The following CIT variants were observed in gnomAD, a reference collection of about 807,000 sequenced individuals.
The protein encoded by CIT is citron Rho-interacting kinase.
In CIT, 79 loss-of-function variants were observed where a neutral mutation model predicts 272.7. The observed-to-expected ratio is 0.29, with a 90% confidence interval of 0.24 to 0.35. CIT has a LOEUF of 0.35. CIT is among the 10% of genes least tolerant of loss of function. CIT has a pLI of 1.00. For missense variants in CIT, 1,909 were observed against 2,618.3 expected (o/e 0.73, Z 5.91); for synonymous variants, 948 against 995.6 (o/e 0.95, Z 0.90).
At chr12:119,836,736 G>C (rs1460857843) in intron 5 of CIT, among the ~76,000 whole-genome samples, 1 of 152,140 alleles carries the variant, frequency 6.6e-6, no homozygotes, top group Non-Finnish European at 1.5e-5. Flanking sequence ...TTAAGGCTGA[G>C]AAAGTCATAC....
At chr12:119,783,760 A>T in intron 12 of CIT, 148 bp downstream of exon 12, 2 of 1,022,316 alleles carry the variant, frequency 2.0e-6, no homozygotes, top group South Asian at 4.1e-5. Flanking sequence ...ACTACTCTGC[A>T]AAACACAGAT....
chr12:119,717,838 C>CTTCTTTTTTTTTTTTTTT (rs1957600385), intron 32 of CIT, among the ~76,000 whole-genome samples: 4 of 81,352 alleles, frequency 4.9e-5, no homozygotes, highest in African/African-American at 4.9e-5. Context: ...TGACTTCTTT[C>CTTCTTTTTTTTTTTTTTT]TTTTTTTTTT....
chr12:119,804,235 C>G lies in CIT; in HGVS notation c.1112-846G>C. 1.0e-6 allele frequency: 1 copy of G among 985,472 alleles called. No homozygotes were observed. Among genetic ancestry groups the G allele is most frequent in the Non-Finnish European group, 1.2e-6 (1 of 829,966 alleles). The allele number at this position is 985,472 out of a possible 1,614,324, so 61.0% of individuals were successfully genotyped here. On this transcript the variant is annotated intron_variant, in intron 9 of 47. Transcript: ENST00000392521. The surrounding 1 kb of genome is among the most constrained non-coding windows in gnomAD (Gnocchi z 5.3). The stretch of plus-strand genomic sequence containing the variant: ...CTTCCTCCGACCTACTAAGCGCTCT[C>G]GGTCTGGGAGGTGGACACTCGTCCA...
chr12:119,790,935 C>T (rs1965254712), intron 10 of CIT, among the ~76,000 whole-genome samples: 1 of 152,204 alleles, frequency 6.6e-6, no homozygotes, highest in Non-Finnish European at 1.5e-5. Context: ...CCTTTGTCAT[C>T]AGGACAAGTG....
chr12:119,760,966 C>T lies in CIT; in HGVS notation c.2394G>A (p.Lys798=), dbSNP rs1180192805. The T allele has an allele frequency of 1.9e-6, 3 of 1,613,896 alleles. No individual in the cohort carries two copies. Among genetic ancestry groups the T allele is most frequent in the Non-Finnish European group, 2.5e-6 (3 of 1,179,862 alleles). The change falls in exon 20 of 48, where the codon AAG becomes AAA. Residue 798 remains lysine (K), a synonymous_variant. Transcript: ENST00000392521. Reference sequence around the variant, plus strand: ...CCTTCTGTTCGCTGAGAATTTTGCCCTTCTCATGGGCCTCCTCCTCGTGTC... The same window carrying T: ...CCTTCTGTTCGCTGAGAATTTTGCCTTTCTCATGGGCCTCCTCCTCGTGTC... ...MQRHEEEAHE[K]GKILSEQKAM... is the part of the protein sequence containing the mutation.
At chr12:119,746,785 T>C (rs1046527299) in intron 23 of CIT, among the ~76,000 whole-genome samples, 3 of 152,218 alleles carry the variant, frequency 2.0e-5, no homozygotes, top group African/African-American at 7.2e-5. Context: ...TTATGAAATA[T>C]AAACACAAAA....
intron 2 of CIT, among the ~76,000 whole-genome samples, chr12:119,874,461 G>A (rs1950779115): frequency 1.3e-5 from 2 of 152,090 alleles, no homozygotes; most frequent in South Asian, 4.1e-4. Context: ...AATCTTCATG[G>A]TCTCTATTGT....
Position 119,713,234 on chromosome 12 carries a change from T to G in CIT, c.4548A>C (p.Lys1516Asn), listed in dbSNP as rs767544325. 1.2e-6 allele frequency: 2 copies of G among 1,613,986 alleles called. No homozygotes were observed. Among genetic ancestry groups the G allele is most frequent in the Non-Finnish European group, 1.7e-6 (2 of 1,179,906 alleles). The change falls in exon 35 of 48, where the codon AAA becomes AAC. Residue 1516 changes from lysine (K) to asparagine (N), a missense_variant. By Grantham distance (94) the Lys-to-Asn change is moderately conservative. Transcript: ENST00000392521. This position sits in a 1 kb window ranked among gnomAD's most constrained non-coding sequence, Gnocchi z 5.2. ...DRKYIVLEGS[K>N]VLIYDNEARE... ...TGGCTTCATTGTCATAAATGAGGAC[T>G]TTTGATCCCTCCAGGACAATGTACT... is the stretch of plus-strand genomic sequence containing the variant.
At chr12:119,779,425 C>T (rs1385370222) in intron 13 of CIT, among the ~76,000 whole-genome samples, 2 of 152,096 alleles carry the variant, frequency 1.3e-5, no homozygotes, top group Non-Finnish European at 2.9e-5. Flanking sequence ...AAAATATTAA[C>T]ATCATCTATG....
intron 19 of CIT, 60 bp from the exon 20 acceptor site, chr12:119,761,115 A>C (rs1961735031): frequency 8.4e-7 from 1 of 1,185,848 alleles, no homozygotes; most frequent in Middle Eastern, 1.9e-4. Context: ...GGGAAGACTA[A>C]ACGGGGACAC....
intron 1 of CIT, among the ~76,000 whole-genome samples, chr12:119,876,478 T>C (rs539234480): frequency 6.6e-6 from 1 of 152,194 alleles, no homozygotes; most frequent in Non-Finnish European, 1.5e-5. Context: ...GGGGCACACA[T>C]AGCCTGGCAC....
Position 119,712,552 on chromosome 12 carries a change from G to A in CIT, c.4684+39C>T. 1.3e-6 allele frequency: 2 copies of A among 1,589,372 alleles called. No homozygotes were observed. Among genetic ancestry groups the A allele is most frequent in the Non-Finnish European group, 1.7e-6 (2 of 1,157,894 alleles). ...TGTCCCTGCTGATTGGCCAAGCCCG[G>A]CCCACCTCCAGGGCGGGGCTCCTCC... On this transcript the variant is annotated intron_variant, in intron 36 of 47. Transcript: ENST00000392521. The surrounding 1 kb of genome is among the most constrained non-coding windows in gnomAD (Gnocchi z 5.2).
intron 4 of CIT, among the ~76,000 whole-genome samples, chr12:119,855,486 A>G (rs1253564544): frequency 6.6e-6 from 1 of 152,148 alleles, no homozygotes; most frequent in Non-Finnish European, 1.5e-5. Context: ...GCTGTCAGAG[A>G]ACCCTGGGTG....
chr12:119,832,921 C>T (rs2138121284), intron 6 of CIT, 57 bp from the exon 7 acceptor site: 2 of 1,317,290 alleles, frequency 1.5e-6, no homozygotes, highest in East Asian at 4.6e-5. Context: ...CAAGCAAGTG[C>T]TAACCTAGAA....
At chr12:119,772,710 TC>T in intron 17 of CIT, 59 bp downstream of exon 17, 3 of 1,492,542 alleles carry the variant, frequency 2.0e-6, no homozygotes, top group Non-Finnish European at 2.7e-6. Flanking sequence ...GCAGTTTCTT[TC>T]CTTGGGCACA....
chr12:119,712,501 G>T lies in CIT; in HGVS notation c.4684+90C>A. 1 of 1,413,746 alleles carries T rather than the reference G, an allele frequency of 7.1e-7. No individual in the cohort carries two copies. The highest frequency in any genetic ancestry group is 9.9e-7 in the Non-Finnish European group (1 of 1,013,122). The allele number at this position is 1,413,746 out of a possible 1,614,324, so 87.6% of individuals were successfully genotyped here. On this transcript the variant is annotated intron_variant, in intron 36 of 47. Transcript: ENST00000392521. The surrounding 1 kb of genome is among the most constrained non-coding windows in gnomAD (Gnocchi z 5.2). ...GAGGAAGATGGGCCTCCTTTGCAGA[G>T]CCAATCTTCCCTGTACCACCCCTTC...
chr12:119,846,343 A>T (rs1969802406), intron 5 of CIT, among the ~76,000 whole-genome samples: 1 of 152,154 alleles, frequency 6.6e-6, no homozygotes, highest in Admixed American at 6.5e-5. Context: ...TGATGTGAAA[A>T]TCCCAAAGCA....
chr12:119,794,699 G>A (rs927599048), intron 10 of CIT, among the ~76,000 whole-genome samples: 3 of 152,222 alleles, frequency 2.0e-5, no homozygotes, highest in Non-Finnish European at 2.9e-5. Flanking sequence ...GGCCCCCCAC[G>A]TGGAGCTGGA....
chr12:119,820,498 C>T (rs554109604), intron 9 of CIT, among the ~76,000 whole-genome samples: 112 of 152,026 alleles, frequency 7.4e-4, no homozygotes, highest in Middle Eastern at 3.4e-3. Context: ...TGCAGTGAGC[C>T]GAGATCGTGC....
Sources: gnomAD v4.1 joint callset for allele counts (sites outside exome capture counted in the v4.1 genomes callset) on GRCh38, gnomAD v4.1.1 for gene constraint, Gnocchi (gnomAD v3.1) non-coding constraint, MANE v1.5 for transcripts, NCBI Gene and HGNC (gene_info 2026-07-23, HGNC 2026-07-21) for gene names.